SNTG1: variants seen among roughly 807,000 people sequenced by gnomAD.
SNTG1 encodes the protein syntrophin gamma 1, also known as gamma-1-syntrophin.
In SNTG1, 39 loss-of-function variants were observed where a neutral mutation model predicts 74.7. That is an observed-to-expected ratio of 0.52 (90% CI 0.40 to 0.68). The LOEUF is 0.68. SNTG1 is among the 30% of genes least tolerant of loss of function. The pLI is 0.00. For missense variants in SNTG1, 685 were observed against 609.5 expected, an observed-to-expected ratio of 1.12 and a Z score of -1.30; for synonymous variants, 254 against 217.1, an observed-to-expected ratio of 1.17 and a Z score of -1.49.
chr8:50,133,874 T>C (rs2081389758), intron 1 of SNTG1, among the ~76,000 whole-genome samples: 1 of 152,328 alleles, frequency 6.6e-6, no homozygotes, highest in Non-Finnish European at 1.5e-5. Flanking sequence ...CTTCAATATG[T>C]CTTTTTGAAA....
At chr8:50,737,446 C>T (rs2095531773) in intron 17 of SNTG1, among the ~76,000 whole-genome samples, 1 of 152,024 alleles carries the variant, frequency 6.6e-6, no homozygotes, top group South Asian at 2.1e-4. Flanking sequence ...AAGCACAGGA[C>T]TAGATGGATT....
rs1411338002 is a variant in SNTG1, at chr8:50,325,417, TA to T, written c.-27-68794del. 5.3e-5 allele frequency among the ~76,000 whole-genome samples: 8 copies of T among 152,186 alleles called. No homozygotes were observed. The East Asian group carries it at 1.5e-3, about 29-fold the overall frequency. ...CATTCAAGTTTCATAGTTTTTCTAA[TA>T]TAGATCTTGAACATTTTTAAAAAGA... On this transcript the variant is annotated intron_variant, in intron 2 of 18. Coordinates refer to ENST00000642720, the MANE Select transcript of SNTG1 (RefSeq NM_018967.5).
At chr8:50,364,443 CTCTTTTTCTT>C (rs2092050199) in intron 2 of SNTG1, among the ~76,000 whole-genome samples, 1 of 152,160 alleles carries the variant, frequency 6.6e-6, no homozygotes, top group Non-Finnish European at 1.5e-5. Flanking sequence ...CTGTCATGGG[CTCTTTTTCTT>C]TCTTTTTCTT....
chr8:50,590,771 G>A, intron 12 of SNTG1, 108 bp from the exon 13 acceptor site: 2 of 599,874 alleles, frequency 3.3e-6, no homozygotes, highest in East Asian at 6.8e-5. Context: ...TATCAAAATA[G>A]GATATTAGTA....
At chr8:50,424,467 C>G (rs992320575) in intron 4 of SNTG1, among the ~76,000 whole-genome samples, 3 of 152,008 alleles carry the variant, frequency 2.0e-5, no homozygotes, top group Non-Finnish European at 4.4e-5. Flanking sequence ...GGATGAGTGA[C>G]GAAAGTCACT....
rs183616043 is a variant in SNTG1 at position 50,559,616 on chromosome 8, A to T, written c.810+6437A>T. Among the ~76,000 whole-genome samples, 1,280 of 152,268 alleles carry T rather than the reference A, an allele frequency of 8.4e-3. 8 individuals carry two copies. The highest frequency in any genetic ancestry group is 0.012 in the Non-Finnish European group (806 of 67,996). On this transcript the variant is annotated intron_variant, in intron 12 of 18. Transcript: ENST00000642720. ...AAAAATACCTTGCACCTGAAAAAAT[A>T]AGAACTTGGAAAGGATTCCCTATTT...
chr8:50,305,983 G>T (rs1375873105), intron 2 of SNTG1, among the ~76,000 whole-genome samples: 1 of 151,048 alleles, frequency 6.6e-6, no homozygotes, highest in African/African-American at 2.4e-5. Flanking sequence ...AATGAATTCT[G>T]TGATTTTAGT....
intron 1 of SNTG1, among the ~76,000 whole-genome samples, chr8:50,094,836 AC>A (rs1337138522): frequency 6.6e-6 from 1 of 152,178 alleles, no homozygotes; most frequent in Non-Finnish European, 1.5e-5. Context: ...AAATCTTTCT[AC>A]CAAAAAGGAC....
At chr8:50,481,398 C>A (rs553732570) in intron 8 of SNTG1, among the ~76,000 whole-genome samples, 13 of 152,190 alleles carry the variant, frequency 8.5e-5, no homozygotes, top group East Asian at 3.9e-4. Context: ...ACAACAACAA[C>A]AACAAAACAT....
At chr8:50,264,486 C>T (rs1476647154) in intron 2 of SNTG1, among the ~76,000 whole-genome samples, 4 of 151,676 alleles carry the variant, frequency 2.6e-5, no homozygotes, top group African/African-American at 9.7e-5. Flanking sequence ...AGGAGAATCA[C>T]TTGAATCCAG....
intron 1 of SNTG1, among the ~76,000 whole-genome samples, chr8:50,133,005 A>G (rs1279196685): frequency 3.3e-5 from 5 of 152,274 alleles, no homozygotes; most frequent in African/African-American, 1.2e-4. Context: ...AGTACCCTAG[A>G]GATTTTCCAT....
intron 17 of SNTG1, among the ~76,000 whole-genome samples, chr8:50,726,582 G>T (rs2095500648): frequency 6.6e-6 from 1 of 152,228 alleles, no homozygotes; most frequent in Non-Finnish European, 1.5e-5. Flanking sequence ...GGGCGCACTG[G>T]CTCACGCCTG....
Position 50,143,991 on chromosome 8 carries a change from T to C in SNTG1, c.-102-28570T>C, listed in dbSNP as rs574678427. The stretch of plus-strand genomic sequence containing the variant: ...CAGAAGCCTTCCATCAACCTCGGTA[T>C]GGATTTGAGTCCATGAATCCTGGAG... On this transcript the variant is annotated intron_variant, in intron 1 of 18. Coordinates refer to ENST00000642720, the MANE Select transcript of SNTG1 (RefSeq NM_018967.5). Among the ~76,000 whole-genome samples the C allele has an allele frequency of 3.9e-5, 6 of 152,300 alleles. No homozygotes were observed. In the East Asian group the frequency reaches 9.7e-4, roughly 25 times the overall value.
chr8:50,237,030 C>T (rs1010002924), intron 2 of SNTG1, among the ~76,000 whole-genome samples: 27 of 152,130 alleles, frequency 1.8e-4, no homozygotes, highest in African/African-American at 6.5e-4. Context: ...TGAATTTCCC[C>T]AATTGTTACA....
rs560509827 is a variant in SNTG1 at position 50,334,442 on chromosome 8, T to C, written c.-27-59770T>C. ...CCTTCAGCTTTCTCTGATGAGTTTC[T>C]CCCCTGTAATTGTCCTGTTCTGCAT... On this transcript the variant is annotated intron_variant, in intron 2 of 18. Coordinates refer to ENST00000642720, the MANE Select transcript of SNTG1 (RefSeq NM_018967.5). Among the ~76,000 whole-genome samples the C allele has an allele frequency of 7.2e-4, 109 of 151,904 alleles. 1 individual carries two copies. Among genetic ancestry groups the C allele is most frequent in the South Asian group, 1.9e-3 (9 of 4,804 alleles).
chr8:50,086,835 A>G (rs1822930527), intron 1 of SNTG1, among the ~76,000 whole-genome samples: 1 of 152,206 alleles, frequency 6.6e-6, no homozygotes, highest in Admixed American at 6.5e-5. Context: ...TGTGTAAAGT[A>G]CTGAAGGGTT....
intron 2 of SNTG1, among the ~76,000 whole-genome samples, chr8:50,181,049 C>G (rs1320639447): frequency 6.6e-6 from 1 of 152,148 alleles, no homozygotes; most frequent in Non-Finnish European, 1.5e-5. Flanking sequence ...CAGGCGTGAG[C>G]CACTGCACCC....
intron 2 of SNTG1, among the ~76,000 whole-genome samples, chr8:50,306,961 A>G (rs958428259): frequency 2.6e-5 from 4 of 151,940 alleles, no homozygotes; most frequent in South Asian, 2.1e-4. Flanking sequence ...TAAATTTTAC[A>G]TAAGGGATAT....
At chr8:50,208,978 C>T (rs866640746) in intron 2 of SNTG1, among the ~76,000 whole-genome samples, 5 of 152,110 alleles carry the variant, frequency 3.3e-5, no homozygotes, top group Non-Finnish European at 7.3e-5. Context: ...ATTCCCTTTC[C>T]TAGCCAAGGG....
Sources: allele counts gnomAD v4.1 joint callset (sites outside exome capture counted in the v4.1 genomes callset), GRCh38; gene constraint gnomAD v4.1.1; transcripts MANE v1.5; gene names NCBI Gene and HGNC (gene_info 2026-07-23, HGNC 2026-07-21).